PC: variants seen among roughly 807,000 people sequenced by gnomAD.
PC encodes the protein pyruvate carboxylase, also known as pyruvate carboxylase, mitochondrial.
In PC, 46 loss-of-function variants were observed where a neutral mutation model predicts 107.8. That is an observed-to-expected ratio of 0.43 (90% confidence interval 0.34 to 0.55). The LOEUF is 0.55. Among genes scored for constraint, PC ranks in the 20% least tolerant of loss-of-function variants. The probability of loss-of-function intolerance (pLI) is 0.04; values close to 1 mark genes in which losing one functional copy is unlikely to be tolerated. For missense variants in PC, 1,241 were observed against 1,643.1 expected, an observed-to-expected ratio of 0.76 and a Z score of 4.23; for synonymous variants, 662 against 684.7, an observed-to-expected ratio of 0.97 and a Z score of 0.52.
intron 3 of PC, among the ~76,000 whole-genome samples, chr11:66,946,667 T>C (rs756460903): frequency 6.6e-6 from 1 of 152,144 alleles, no homozygotes; most frequent in Non-Finnish European, 1.5e-5. Flanking sequence ...GTGCATGCCA[T>C]GGTCCCAGCT....
In PC at chr11:66,851,263, T is replaced by G. The variant is rs138760063; in HGVS notation, c.2000A>C (p.Lys667Thr). The G allele has an allele frequency of 2.9e-5, 46 of 1,601,384 alleles. No individual in the cohort carries two copies. The African/African-American group carries it at 4.7e-4, about 16-fold the overall frequency. The change falls in exon 17 of 23, where the codon AAA (lysine) becomes ACA (threonine). Residue 667 changes from lysine to threonine, a missense_variant. Lys to Thr is a moderately conservative substitution (Grantham distance 78). Transcript: ENST00000393960. ...ACGGAAGACATCCATGCCATTCTCT[T>G]TGGCCACTTCACAGAACCTGCAAGG... ...NVVFKFCEVA[K>T]ENGMDVFRVF...
intron 3 of PC, among the ~76,000 whole-genome samples, chr11:66,888,523 C>T (rs993216350): frequency 2.6e-5 from 4 of 152,186 alleles, no homozygotes; most frequent in Non-Finnish European, 4.4e-5. Context: ...ACTCCCACGG[C>T]GATGGGGAGG....
chr11:66,921,193 G>A (rs539216174), intron 3 of PC, among the ~76,000 whole-genome samples: 3 of 152,258 alleles, frequency 2.0e-5, no homozygotes, highest in East Asian at 1.9e-4. Context: ...AGGGCAACAC[G>A]GAGCGTGGAA....
chr11:66,910,914 G>C (rs922226725), intron 3 of PC, among the ~76,000 whole-genome samples: 1 of 152,192 alleles, frequency 6.6e-6, no homozygotes, highest in Non-Finnish European at 1.5e-5. Context: ...TCTGGGAACT[G>C]TGTTTAATTG....
At chr11:66,943,018 A>T (rs1238178909) in intron 3 of PC, among the ~76,000 whole-genome samples, 1 of 135,104 alleles carries the variant, frequency 7.4e-6, no homozygotes, top group African/African-American at 2.6e-5. Context: ...CTCCATCTCA[A>T]AAAAAAAAAA....
intron 3 of PC, among the ~76,000 whole-genome samples, chr11:66,896,027 T>C (rs186116747): frequency 4.3e-4 from 66 of 152,286 alleles, no homozygotes; most frequent in African/African-American, 1.5e-3. Context: ...GTTAGAAAAG[T>C]GCAAAGCAAT....
rs893634067 is a variant in PC, at chr11:66,858,388, C to T, written c.1369-5005G>A. The stretch of plus-strand genomic sequence containing the variant: ...ACGCTGGCTCCGGACCCGCTTTTCT[C>T]TCGTGGGCGTGATGCAGAGGCCTCT... On this transcript the variant is annotated intron_variant, in intron 12 of 22. Coordinates refer to ENST00000393960, the MANE Select transcript of PC (RefSeq NM_001040716.2). This position sits in a 1 kb window ranked among gnomAD's most constrained non-coding sequence, Gnocchi z 5.9. 14 of 1,568,932 alleles carry T rather than the reference C, an allele frequency of 8.9e-6. No homozygotes were observed. The highest frequency in any genetic ancestry group is 1.1e-5 in the Non-Finnish European group (13 of 1,162,616).
At chr11:66,911,639 G>C (rs867414735) in intron 3 of PC, among the ~76,000 whole-genome samples, 3 of 151,880 alleles carry the variant, frequency 2.0e-5, no homozygotes, top group Non-Finnish European at 4.4e-5. Context: ...AGTTAAGAAG[G>C]AAGGCGTAAA....
chr11:66,892,707 C>G (rs146228586), intron 3 of PC, among the ~76,000 whole-genome samples: 2,033 of 152,158 alleles, frequency 0.013, 47 homozygotes, highest in African/African-American at 0.047. Context: ...ATTAGCCAGG[C>G]ACGGTGGCGG....
At chr11:66,878,667 C>T (rs1204122549) in intron 3 of PC, among the ~76,000 whole-genome samples, 1 of 152,230 alleles carries the variant, frequency 6.6e-6, no homozygotes, top group African/African-American at 2.4e-5. Flanking sequence ...ACAGGAATGC[C>T]TCCGTGAGTC....
chr11:66,894,306 G>C (rs772634216), intron 3 of PC, among the ~76,000 whole-genome samples: 4 of 151,976 alleles, frequency 2.6e-5, no homozygotes, highest in Admixed American at 6.5e-5. Context: ...CCTCCTCTTT[G>C]TTCTCAGAAA....
rs2135929887 is a variant in PC, at chr11:66,868,968, T to TG, written c.904-5dup. Reference sequence around the variant, plus strand: ...TGCCTGCGTTCTCGTAGCCCACCTGTGGGGGCGGCCACGTGAGCAGGGGAG... The same window carrying TG: ...TGCCTGCGTTCTCGTAGCCCACCTGTGGGGGGCGGCCACGTGAGCAGGGGAG... On this transcript the variant is annotated splice_region_variant and splice_polypyrimidine_tract_variant and intron_variant, in intron 9 of 22. Transcript: ENST00000393960. 1 of 1,611,514 alleles carries TG rather than the reference T, an allele frequency of 6.2e-7. No homozygotes were observed. The highest frequency in any genetic ancestry group is 8.5e-7 in the Non-Finnish European group (1 of 1,178,094).
chr11:66,852,012 C>T lies in PC; in HGVS notation c.1826-66G>A. The stretch of plus-strand genomic sequence containing the variant: ...TGGGGAACTCCACCAGGCCTTGGAG[C>T]TAGCTCTGCAGCACAAGCCTCTGGC... On this transcript the variant is annotated intron_variant, in intron 15 of 22. Transcript: ENST00000393960. The surrounding 1 kb of genome is among the most constrained non-coding windows in gnomAD (Gnocchi z 4.7). The T allele has an allele frequency of 1.3e-6, 2 of 1,542,974 alleles. No homozygotes were observed. The highest frequency in any genetic ancestry group is 4.6e-5 in the East Asian group (2 of 43,332).
At chr11:66,913,311 G>A (rs912363236) in intron 3 of PC, among the ~76,000 whole-genome samples, 2 of 151,566 alleles carry the variant, frequency 1.3e-5, no homozygotes, top group Non-Finnish European at 2.9e-5. Flanking sequence ...ATGGGGACTC[G>A]TCTATATAAA....
chr11:66,915,033 A>G (rs1189385161), intron 3 of PC, among the ~76,000 whole-genome samples: 1 of 152,144 alleles, frequency 6.6e-6, no homozygotes, highest in Non-Finnish European at 1.5e-5. Context: ...CCCTGTCTCA[A>G]AAACAAAACA....
At chr11:66,903,285 A>G (rs1233537590) in intron 3 of PC, among the ~76,000 whole-genome samples, 1 of 152,130 alleles carries the variant, frequency 6.6e-6, no homozygotes, top group Non-Finnish European at 1.5e-5. Flanking sequence ...CATGTCTTAT[A>G]ATAATTATGA....
chr11:66,855,965 G>C (rs891390660), intron 12 of PC, among the ~76,000 whole-genome samples: 34 of 152,388 alleles, frequency 2.2e-4, no homozygotes, highest in African/African-American at 6.5e-4. Flanking sequence ...GGGCTGGAGG[G>C]AGAACGAGGA....
intron 3 of PC, among the ~76,000 whole-genome samples, chr11:66,908,221 A>G (rs908601484): frequency 1.3e-5 from 2 of 152,192 alleles, no homozygotes; most frequent in Non-Finnish European, 1.5e-5. Context: ...GCCTAAGGAA[A>G]GGAGCAGAAG....
chr11:66,932,256 T>A (rs1948876927), intron 3 of PC, among the ~76,000 whole-genome samples: 2 of 152,164 alleles, frequency 1.3e-5, no homozygotes, highest in South Asian at 4.1e-4. Flanking sequence ...ACTAACTCTT[T>A]GGATTACCGC....
Sources: gnomAD v4.1 joint callset for allele counts (sites outside exome capture counted in the v4.1 genomes callset) on GRCh38, gnomAD v4.1.1 for gene constraint, Gnocchi (gnomAD v3.1) non-coding constraint, MANE v1.5 for transcripts, NCBI Gene and HGNC (gene_info 2026-07-23, HGNC 2026-07-21) for gene names.